Variants in MARCHF8 observed in about 807,000 individuals in gnomAD.
MARCHF8 encodes the protein membrane associated ring-CH-type finger 8, also known as E3 ubiquitin-protein ligase MARCHF8.
A neutral mutation model predicts 51.6 loss-of-function variants in MARCHF8; 40 were observed. That is an observed-to-expected ratio of 0.77 (90% confidence interval 0.60 to 1.01). The LOEUF is 1.01. Ranked by LOEUF, MARCHF8 falls within the 50% of genes least tolerant of loss-of-function variation. MARCHF8 has a pLI of 0.00. For synonymous variants in MARCHF8, 263 were observed against 280.3 expected, an observed-to-expected ratio of 0.94 and a Z score of 0.62; for missense variants, 685 against 708.6, an observed-to-expected ratio of 0.97 and a Z score of 0.38.
intron 1 of MARCHF8, among the ~76,000 whole-genome samples, chr10:45,550,046 C>T (rs946145308): frequency 2.0e-5 from 3 of 152,176 alleles, no homozygotes; most frequent in African/African-American, 4.8e-5. Flanking sequence ...GGAGCGGGGA[C>T]AGGGGGCAGT....
At chr10:45,541,585 A>T (rs1829180556) in intron 1 of MARCHF8, among the ~76,000 whole-genome samples, 2 of 152,204 alleles carry the variant, frequency 1.3e-5, no homozygotes, top group African/African-American at 4.8e-5. Flanking sequence ...TAAAATTTTA[A>T]AAAAATGCAA....
chr10:45,536,645 T>A (rs1249798587), upstream of MARCHF8, among the ~76,000 whole-genome samples: 1 of 151,344 alleles, frequency 6.6e-6, no homozygotes, highest in Non-Finnish European at 1.5e-5. Context: ...GCAAATCATA[T>A]ATGTAATAAG....
intron 1 of MARCHF8, among the ~76,000 whole-genome samples, chr10:45,576,700 T>C (rs939815023): frequency 1.3e-5 from 2 of 151,610 alleles, no homozygotes; most frequent in East Asian, 3.9e-4. Flanking sequence ...GGCAGGAGAA[T>C]TGTTTGAGCT....
chr10:45,504,097 G>T (rs991244852), intron 2 of MARCHF8, among the ~76,000 whole-genome samples: 1 of 152,066 alleles, frequency 6.6e-6, no homozygotes, highest in Non-Finnish European at 1.5e-5. Flanking sequence ...CTACTAATTG[G>T]GCACTTTAAA....
intron 1 of MARCHF8, among the ~76,000 whole-genome samples, chr10:45,556,481 G>A (rs2044252805): frequency 6.6e-6 from 1 of 152,238 alleles, no homozygotes; most frequent in Non-Finnish European, 1.5e-5. Flanking sequence ...GCCAGCTAGA[G>A]CCAGGCACAA....
chr10:45,556,661 G>A (rs2044254851), intron 1 of MARCHF8, among the ~76,000 whole-genome samples: 1 of 152,190 alleles, frequency 6.6e-6, no homozygotes, highest in Non-Finnish European at 1.5e-5. Context: ...GGCTTCTCCG[G>A]TTCTTTCCAC....
chr10:45,575,954 T>C (rs561903174), intron 1 of MARCHF8, among the ~76,000 whole-genome samples: 1 of 152,280 alleles, frequency 6.6e-6, no homozygotes, highest in South Asian at 2.1e-4. Context: ...ACCCAAATCC[T>C]ATAAAATGGC....
At chr10:45,588,064 A>C (rs2044636516) in intron 1 of MARCHF8, among the ~76,000 whole-genome samples, 1 of 152,144 alleles carries the variant, frequency 6.6e-6, no homozygotes, top group Non-Finnish European at 1.5e-5. Flanking sequence ...GGAGCTATAA[A>C]ACCTCTAGAA....
intron 6 of MARCHF8, chr10:45,459,602 G>A (rs1311379187): frequency 1.8e-6 from 1 of 553,968 alleles, no homozygotes; most frequent in Non-Finnish European, 2.3e-6. Context: ...TGTTGGCCCA[G>A]GACCCAGGTA....
At chr10:45,493,131 C>T (rs1206538605) in intron 2 of MARCHF8, among the ~76,000 whole-genome samples, 1 of 152,170 alleles carries the variant, frequency 6.6e-6, no homozygotes, top group Non-Finnish European at 1.5e-5. Flanking sequence ...GAAGCACATA[C>T]ATAAAGTATA....
chr10:45,564,373 G>T (rs940027943), intron 1 of MARCHF8, among the ~76,000 whole-genome samples: 1 of 152,120 alleles, frequency 6.6e-6, no homozygotes, highest in African/African-American at 2.4e-5. Context: ...GATCTTAACA[G>T]TAGACTGAAT....
At position 45,484,697 on chromosome 10, in the gene MARCHF8, A is replaced by G. The variant is rs112175846; in HGVS notation, c.153+4670T>C. ...GTGCCTCTAAAGAAGCTAAGAACTG[A>G]AAGAGAAATGAGTTAGGAATTTTAG... On this transcript the variant is annotated intron_variant, in intron 3 of 7. Coordinates refer to ENST00000453424, the MANE Select transcript of MARCHF8 (RefSeq NM_001282866.2). Among the ~76,000 whole-genome samples the G allele has an allele frequency of 7.2e-5, 11 of 152,318 alleles. 2 individuals are homozygous for G. The highest frequency in any genetic ancestry group is 2.2e-4 in the African/African-American group (9 of 41,568).
intron 1 of MARCHF8, among the ~76,000 whole-genome samples, chr10:45,565,758 A>G (rs75760074): frequency 0.019 from 2,957 of 152,296 alleles, 72 homozygotes; most frequent in Admixed American, 0.06. Flanking sequence ...CATCATGAAC[A>G]CTGAGTTACC....
At chr10:45,459,337 A>T in intron 6 of MARCHF8, 70 bp from the exon 7 acceptor site, 1 of 1,515,566 alleles carries the variant, frequency 6.6e-7, no homozygotes, top group East Asian at 2.4e-5. Flanking sequence ...AGAGCATTGT[A>T]GGTAGGTAAG....
intron 1 of MARCHF8, among the ~76,000 whole-genome samples, chr10:45,552,309 TA>T (rs35314230): frequency 0.21 from 29,095 of 141,770 alleles, 2,873 homozygotes; most frequent in Non-Finnish European, 0.23. Context: ...TGGTAGAATT[TA>T]AAAAAAAAAA....
At chr10:45,544,463 A>C (rs972714105) in intron 1 of MARCHF8, among the ~76,000 whole-genome samples, 1 of 152,202 alleles carries the variant, frequency 6.6e-6, no homozygotes, top group African/African-American at 2.4e-5. Flanking sequence ...AAAACTGGAA[A>C]TATTCCAAAT....
chr10:45,574,362 T>G (rs992452850), intron 1 of MARCHF8, among the ~76,000 whole-genome samples: 2 of 152,204 alleles, frequency 1.3e-5, no homozygotes, highest in Non-Finnish European at 2.9e-5. Flanking sequence ...TCAACCAAAT[T>G]GTTTTGCCTA....
chr10:45,550,178 T>G (rs762994616), intron 1 of MARCHF8, among the ~76,000 whole-genome samples: 12 of 152,244 alleles, frequency 7.9e-5, no homozygotes, highest in Non-Finnish European at 1.2e-4. Flanking sequence ...CTATTATAAA[T>G]TCAAAGCTAA....
intron 2 of MARCHF8, among the ~76,000 whole-genome samples, chr10:45,524,075 T>C (rs1350913914): frequency 2.6e-5 from 4 of 152,256 alleles, no homozygotes; most frequent in African/African-American, 9.6e-5. Context: ...TAATTTTATC[T>C]GCATTTAAGC....
Sources: allele counts gnomAD v4.1 joint callset (sites outside exome capture counted in the v4.1 genomes callset), GRCh38; gene constraint gnomAD v4.1.1; transcripts MANE v1.5; gene names NCBI Gene and HGNC (gene_info 2026-07-23, HGNC 2026-07-21).